The following GALNT13 variants were observed in gnomAD, a reference collection of about 807,000 sequenced individuals.
The protein encoded by GALNT13 is polypeptide N-acetylgalactosaminyltransferase 13.
Under a neutral mutation model 64.2 loss-of-function variants are expected in GALNT13, and 28 were observed. That is an observed-to-expected ratio of 0.44 (90% CI 0.32 to 0.60). The LOEUF (loss-of-function observed/expected upper bound fraction) is 0.60, where lower values mean the gene tolerates loss of function less well. Among genes scored for constraint, GALNT13 ranks in the 20% least tolerant of loss-of-function variants. The pLI is 0.05. For synonymous variants in GALNT13, 214 were observed against 224.6 expected (o/e 0.95, Z 0.42); for missense variants, 577 against 669.8 (o/e 0.86, Z 1.53).
intron 3 of GALNT13, among the ~76,000 whole-genome samples, chr2:154,121,316 T>A (rs962045430): frequency 1.3e-5 from 2 of 152,200 alleles, no homozygotes; most frequent in African/African-American, 4.8e-5. Context: ...ATCTTGCTGA[T>A]GCCACTATTT....
At chr2:154,136,990 T>C (rs1381511720) in intron 3 of GALNT13, among the ~76,000 whole-genome samples, 1 of 151,946 alleles carries the variant, frequency 6.6e-6, no homozygotes, top group Non-Finnish European at 1.5e-5. Context: ...GGAAGCATGA[T>C]ATTTTGTGAG....
the GALNT13 span, among the ~76,000 whole-genome samples, chr2:153,807,820 T>A: frequency 6.6e-6 from 1 of 152,184 alleles, no homozygotes; most frequent in Non-Finnish European, 1.5e-5. Context: ...TGTTTCCTTG[T>A]GCATTTTGTG....
intron 9 of GALNT13, among the ~76,000 whole-genome samples, chr2:154,348,852 CAG>C (rs1324619946): frequency 1.3e-5 from 2 of 152,088 alleles, no homozygotes; most frequent in Non-Finnish European, 2.9e-5. Flanking sequence ...AGTGCATAGT[CAG>C]AATCAAACAG....
chr2:154,313,671 T>C (rs1330247536), intron 9 of GALNT13, among the ~76,000 whole-genome samples: 1 of 152,052 alleles, frequency 6.6e-6, no homozygotes. Flanking sequence ...GCCAGGATGA[T>C]GTTGATTTCC....
chr2:153,236,695 A>G, the GALNT13 span, among the ~76,000 whole-genome samples: 2 of 152,100 alleles, frequency 1.3e-5, no homozygotes, highest in Non-Finnish European at 2.9e-5. Flanking sequence ...ATTATTGATC[A>G]TTGACAATGT....
intron 9 of GALNT13, among the ~76,000 whole-genome samples, chr2:154,352,923 C>T (rs1436787243): frequency 6.6e-6 from 1 of 152,172 alleles, no homozygotes; most frequent in African/African-American, 2.4e-5. Context: ...TGTTAGTATC[C>T]TCCAAACTTG....
the GALNT13 span, among the ~76,000 whole-genome samples, chr2:153,521,916 G>T: frequency 5.9e-5 from 9 of 152,018 alleles, no homozygotes; most frequent in Admixed American, 5.9e-4. Context: ...CATTGTCTGG[G>T]TGTACCACAG....
chr2:153,931,019 T>C (rs1418041454), intron 2 of GALNT13, among the ~76,000 whole-genome samples: 1 of 151,538 alleles, frequency 6.6e-6, no homozygotes, highest in Non-Finnish European at 1.5e-5. Context: ...TAATTCTCAA[T>C]GTAGAGATAT....
chr2:154,201,305 T>C (rs770743151), intron 4 of GALNT13, among the ~76,000 whole-genome samples: 5 of 152,182 alleles, frequency 3.3e-5, no homozygotes, highest in Non-Finnish European at 5.9e-5. Flanking sequence ...AGTTACACTT[T>C]GAAATCCTGG....
chr2:154,201,257 A>G (rs897259292), intron 4 of GALNT13, among the ~76,000 whole-genome samples: 2 of 152,134 alleles, frequency 1.3e-5, no homozygotes, highest in African/African-American at 4.8e-5. Flanking sequence ...TCTTCCATGA[A>G]TGTGTATTCA....
chr2:153,185,346 CT>C, the GALNT13 span, among the ~76,000 whole-genome samples: 2 of 152,126 alleles, frequency 1.3e-5, no homozygotes, highest in African/African-American at 2.4e-5. Context: ...AACATTCTCT[CT>C]TTTATTCTTT....
chr2:153,295,759 A>C, the GALNT13 span, among the ~76,000 whole-genome samples: 1 of 152,182 alleles, frequency 6.6e-6, no homozygotes, highest in Non-Finnish European at 1.5e-5. Context: ...ATCTTGAGAA[A>C]AATTCCAGAC....
chr2:153,207,826 T>G, the GALNT13 span, among the ~76,000 whole-genome samples: 1 of 152,162 alleles, frequency 6.6e-6, no homozygotes, highest in Non-Finnish European at 1.5e-5. Context: ...ATTGAAGCAC[T>G]TGGCAGCACC....
the GALNT13 span, among the ~76,000 whole-genome samples, chr2:153,518,549 C>A: frequency 1.3e-5 from 2 of 152,052 alleles, no homozygotes; most frequent in Non-Finnish European, 2.9e-5. Context: ...TGTGACTAGG[C>A]AAGTATATTT....
the GALNT13 span, among the ~76,000 whole-genome samples, chr2:153,657,528 A>G: frequency 6.6e-6 from 1 of 152,110 alleles, no homozygotes; most frequent in African/African-American, 2.4e-5. Flanking sequence ...AAGAAAGACT[A>G]CATGACTTGC....
At chr2:154,369,208 C>T (rs1243924854) in intron 9 of GALNT13, among the ~76,000 whole-genome samples, 1 of 151,736 alleles carries the variant, frequency 6.6e-6, no homozygotes, top group African/African-American at 2.4e-5. Flanking sequence ...CTAAGTATCT[C>T]GTATTTCCAA....
chr2:154,417,489 T>TTTTACTTATTTA (rs1700064392), intron 11 of GALNT13, among the ~76,000 whole-genome samples: 2 of 132,320 alleles, frequency 1.5e-5, no homozygotes, highest in South Asian at 4.8e-4. Context: ...CTTGCCATGC[T>TTTTACTTATTTA]TTTATTTATT....
chr2:153,972,218 T>G (rs2105129973), intron 3 of GALNT13, among the ~76,000 whole-genome samples: 1 of 152,184 alleles, frequency 6.6e-6, no homozygotes, highest in South Asian at 2.1e-4. Context: ...TTTGTGGTAA[T>G]TTGTTTTGGC....
the GALNT13 span, among the ~76,000 whole-genome samples, chr2:153,761,249 T>C: frequency 6.6e-6 from 1 of 152,184 alleles, no homozygotes; most frequent in African/African-American, 2.4e-5. Context: ...GGTAAGAACC[T>C]ACTACTACCA....
Sources: allele counts gnomAD v4.1 joint callset (sites outside exome capture counted in the v4.1 genomes callset), GRCh38; gene constraint gnomAD v4.1.1; transcripts MANE v1.5; gene names NCBI Gene and HGNC (gene_info 2026-07-23, HGNC 2026-07-21).